KCNQ5: variants seen among roughly 807,000 people sequenced by gnomAD.
KCNQ5 encodes the protein potassium voltage-gated channel subfamily Q member 5.
Under a neutral mutation model 98.2 loss-of-function variants are expected in KCNQ5, and 30 were observed. The ratio of observed to expected loss-of-function variants is 0.31; its 90% CI spans 0.23 to 0.41. The LOEUF is 0.41. Among genes scored for constraint, KCNQ5 ranks in the 10% least tolerant of loss-of-function variants. The pLI, the probability that KCNQ5 is intolerant of heterozygous loss-of-function variation, is 1.00. For synonymous variants in KCNQ5, 458 were observed against 449.4 expected (o/e 1.02, Z -0.24); for missense variants, 835 against 1,182.5 (o/e 0.71, Z 4.31).
chr6:72,728,545 G>A (rs1472661202), intron 1 of KCNQ5, among the ~76,000 whole-genome samples: 2 of 152,168 alleles, frequency 1.3e-5, no homozygotes, highest in East Asian at 3.9e-4. Context: ...GGGGGACAAT[G>A]AGAGGCACAC....
intron 1 of KCNQ5, among the ~76,000 whole-genome samples, chr6:72,999,736 T>C (rs1255695990): frequency 6.6e-6 from 1 of 152,224 alleles, no homozygotes; most frequent in African/African-American, 2.4e-5. Context: ...AAATTTGCAA[T>C]ATGGCAATGC....
In KCNQ5 at chr6:73,198,318, T is replaced by C. The variant is rs961567434; in HGVS notation, c.*2904T>C. 1.3e-5 allele frequency: 2 copies of C among 152,264 alleles called. No homozygotes were observed. Among genetic ancestry groups the C allele is most frequent in the Non-Finnish European group, 2.9e-5 (2 of 68,042 alleles). The allele number at this position is 152,264 out of a possible 1,614,324, so 9.4% of individuals were successfully genotyped here. ...TTTGCATTTTGTTCAACTAAATTAATATTTGTAGATTGCAAGTTTTGTTTA... is the reference window on the plus strand; with the variant it reads ...TTTGCATTTTGTTCAACTAAATTAACATTTGTAGATTGCAAGTTTTGTTTA... On this transcript the variant is annotated 3_prime_UTR_variant, in exon 14 of 14. Coordinates refer to ENST00000370398, the MANE Select transcript of KCNQ5 (RefSeq NM_019842.4).
intron 3 of KCNQ5, chr6:73,055,023 A>G (rs1328468938): frequency 3.9e-6 from 2 of 511,294 alleles, no homozygotes; most frequent in Non-Finnish European, 7.2e-6. Flanking sequence ...TACAAAAATC[A>G]GTAGAATCCC....
At chr6:72,863,903 T>C (rs1183760872) in intron 1 of KCNQ5, among the ~76,000 whole-genome samples, 1 of 152,222 alleles carries the variant, frequency 6.6e-6, no homozygotes, top group African/African-American at 2.4e-5. Context: ...ACAATAAAAG[T>C]ATGAATTTTC....
At chr6:72,910,460 C>G (rs1324682998) in intron 1 of KCNQ5, among the ~76,000 whole-genome samples, 1 of 151,976 alleles carries the variant, frequency 6.6e-6, no homozygotes, top group Admixed American at 6.6e-5. Context: ...ATGGACCATT[C>G]TCTTACCTAT....
chr6:72,689,034 T>G (rs1341317721), intron 1 of KCNQ5, among the ~76,000 whole-genome samples: 1 of 152,230 alleles, frequency 6.6e-6, no homozygotes, highest in Non-Finnish European at 1.5e-5. Flanking sequence ...AATGTAACCT[T>G]AAGTCATTAA....
intron 1 of KCNQ5, chr6:72,986,681 T>G: frequency 9.9e-7 from 1 of 1,014,588 alleles, no homozygotes; most frequent in East Asian, 2.5e-5. Context: ...CCATTTGGAG[T>G]TCCTCTGTGG....
chr6:72,839,955 T>C (rs996014415), intron 1 of KCNQ5, among the ~76,000 whole-genome samples: 1 of 152,188 alleles, frequency 6.6e-6, no homozygotes, highest in Non-Finnish European at 1.5e-5. Flanking sequence ...AAAAATTTAT[T>C]TCTCCTGTCT....
intron 1 of KCNQ5, among the ~76,000 whole-genome samples, chr6:72,746,522 A>C (rs940648405): frequency 2.0e-5 from 3 of 152,168 alleles, no homozygotes; most frequent in African/African-American, 7.2e-5. Flanking sequence ...GTAGTCATTG[A>C]ACTAAACCTG....
intron 1 of KCNQ5, among the ~76,000 whole-genome samples, chr6:72,860,426 A>G (rs1777716537): frequency 6.6e-6 from 1 of 152,144 alleles, no homozygotes; most frequent in East Asian, 1.9e-4. Flanking sequence ...TTCACCCTTT[A>G]TTAAGTGTGT....
intron 1 of KCNQ5, among the ~76,000 whole-genome samples, chr6:72,896,369 TC>T (rs1779254447): frequency 6.6e-6 from 1 of 151,974 alleles, no homozygotes; most frequent in African/African-American, 2.4e-5. Context: ...GTATTAATGA[TC>T]ATCTCCATTA....
At chr6:73,008,402 CAGTA>C (rs1354744129) in intron 2 of KCNQ5, among the ~76,000 whole-genome samples, 1 of 151,834 alleles carries the variant, frequency 6.6e-6, no homozygotes, top group African/African-American at 2.4e-5. Flanking sequence ...AATACATTGA[CAGTA>C]AAAGGGTGGA....
intron 1 of KCNQ5, among the ~76,000 whole-genome samples, chr6:72,886,766 A>G (rs1234461024): frequency 6.6e-6 from 1 of 152,168 alleles, no homozygotes; most frequent in African/African-American, 2.4e-5. Flanking sequence ...ATTATTTTAA[A>G]GTTCTGAGAG....
In KCNQ5 at chr6:73,020,802, A is replaced by G. The variant is rs970900191; in HGVS notation, c.489+16804A>G. Among the ~76,000 whole-genome samples, 6 of 152,260 alleles carry G rather than the reference A, an allele frequency of 3.9e-5. No individual in the cohort carries two copies. In the East Asian group the frequency reaches 1.2e-3, roughly 29 times the overall value. ...TGCCAGGAAACAAGGAGGAAGACCA[A>G]ATATACTGTGTATTTCACAGTATCA... On this transcript the variant is annotated intron_variant, in intron 2 of 13. Transcript: ENST00000370398.
At chr6:72,867,688 A>G (rs1778042011) in intron 1 of KCNQ5, among the ~76,000 whole-genome samples, 1 of 152,098 alleles carries the variant, frequency 6.6e-6, no homozygotes, top group Non-Finnish European at 1.5e-5. Flanking sequence ...CTGTAATCCC[A>G]ACACTTTGGG....
intron 1 of KCNQ5, among the ~76,000 whole-genome samples, chr6:72,961,969 G>A (rs1429655067): frequency 2.0e-5 from 3 of 151,738 alleles, no homozygotes; most frequent in Admixed American, 2.0e-4. Context: ...TTGAGTCCAG[G>A]AGTTTGAGAT....
At chr6:72,855,744 AGTGC>A in intron 1 of KCNQ5, among the ~76,000 whole-genome samples, 1 of 152,208 alleles carries the variant, frequency 6.6e-6, no homozygotes, top group East Asian at 1.9e-4. Context: ...AGAAATAATG[AGTGC>A]TACCAGCTGA....
At chr6:72,808,004 C>A (rs1455432053) in intron 1 of KCNQ5, among the ~76,000 whole-genome samples, 1 of 152,180 alleles carries the variant, frequency 6.6e-6, no homozygotes, top group African/African-American at 2.4e-5. Flanking sequence ...ACTTGGACTT[C>A]ATCCTGACAG....
rs141228832 is a variant in KCNQ5 at position 72,922,630 on chromosome 6, A to G, written c.399-81278A>G. 1.0e-3 allele frequency among the ~76,000 whole-genome samples: 153 copies of G among 152,066 alleles called. 1 individual carries two copies. The highest frequency in any genetic ancestry group is 3.3e-3 in the African/African-American group (138 of 41,486). ...TGCTTCTATGTTCTCAAATTTTTCA[A>G]ATTCCATGTAAAAGTGAGATCATGC... On this transcript the variant is annotated intron_variant, in intron 1 of 13. Coordinates refer to ENST00000370398, the MANE Select transcript of KCNQ5 (RefSeq NM_019842.4).
Sources: gnomAD v4.1 joint callset for allele counts (sites outside exome capture counted in the v4.1 genomes callset) on GRCh38, gnomAD v4.1.1 for gene constraint, MANE v1.5 for transcripts, NCBI Gene and HGNC (gene_info 2026-07-23, HGNC 2026-07-21) for gene names.